The following VPS13C variants were observed in gnomAD, a reference collection of about 807,000 sequenced individuals.
VPS13C encodes the protein vacuolar protein sorting 13 homolog C.
In VPS13C, 358 loss-of-function variants were observed where a neutral mutation model predicts 456.8. The ratio of observed to expected loss-of-function variants is 0.78; its 90% CI spans 0.72 to 0.86. The LOEUF is 0.86. Among genes scored for constraint, VPS13C ranks in the 40% least tolerant of loss-of-function variants. The pLI, the probability that VPS13C is intolerant of heterozygous loss-of-function variation, is 0.00. For synonymous variants in VPS13C, 1,578 were observed against 1,486.7 expected (o/e 1.06, Z -1.41); for missense variants, 4,818 against 4,385.4 (o/e 1.10, Z -2.79).
At chr15:61,940,516 C>G (rs1020176546) in intron 47 of VPS13C, 131 bp downstream of exon 47, 7 of 808,330 alleles carry the variant, frequency 8.7e-6, no homozygotes, top group African/African-American at 1.7e-5. Context: ...CAAATGCTCA[C>G]TAAGAGAAAA....
chr15:61,989,701 C>G (rs1044191307), intron 18 of VPS13C, among the ~76,000 whole-genome samples: 1 of 151,980 alleles, frequency 6.6e-6, no homozygotes, highest in Non-Finnish European at 1.5e-5. Context: ...AAATTAAAAC[C>G]GTAATATTAC....
At position 62,037,234 on chromosome 15, in the gene VPS13C, A is replaced by G. The variant is rs1353472948; in HGVS notation, c.188-2182T>C. Among the ~76,000 whole-genome samples, 175 of 58,676 alleles carry G rather than the reference A, an allele frequency of 3.0e-3. 6 individuals are homozygous for G. The highest frequency in any genetic ancestry group is 4.3e-3 in the Non-Finnish European group (141 of 32,890). 38.5% of individuals were successfully genotyped at this position (58,676 alleles called of 152,430 possible). A position where few individuals can be genotyped will look rare whatever the true frequency, so the allele number is the denominator to read the frequency against. On this transcript the variant is annotated intron_variant, in intron 3 of 84. Transcript: ENST00000644861. The stretch of plus-strand genomic sequence containing the variant: ...AAATATATTATATAATATATTATAT[A>G]TAAATATATATAATATATTTATATA...
At chr15:62,011,211 T>C (rs924763931) in intron 12 of VPS13C, among the ~76,000 whole-genome samples, 4 of 152,064 alleles carry the variant, frequency 2.6e-5, no homozygotes, top group Admixed American at 6.5e-5. Flanking sequence ...GTGAATAGTA[T>C]CAAACTATAA....
chr15:62,047,713 G>A (rs1003569326), intron 1 of VPS13C, among the ~76,000 whole-genome samples: 1 of 152,074 alleles, frequency 6.6e-6, no homozygotes, highest in African/African-American at 2.4e-5. Flanking sequence ...TACTTATCTT[G>A]GTAAGGCACT....
chr15:61,920,918 G>C (rs1159932545), intron 55 of VPS13C, among the ~76,000 whole-genome samples: 1 of 152,040 alleles, frequency 6.6e-6, no homozygotes, highest in Non-Finnish European at 1.5e-5. Flanking sequence ...ATTCCTCAGA[G>C]CATAGCTATT....
intron 15 of VPS13C, among the ~76,000 whole-genome samples, chr15:62,004,245 T>C (rs1288462767): frequency 1.3e-5 from 2 of 151,536 alleles, no homozygotes; most frequent in Admixed American, 6.6e-5. Context: ...TGGTTTAGTC[T>C]TGGGAGAGTG....
chr15:61,868,529 T>G, intron 81 of VPS13C, 130 bp downstream of exon 81: 1 of 754,952 alleles, frequency 1.3e-6, no homozygotes, highest in Admixed American at 3.0e-5. Flanking sequence ...AATCAAATTC[T>G]ACTCTAGAAA....
chr15:62,055,579 C>A (rs2048763400), intron 1 of VPS13C, among the ~76,000 whole-genome samples: 1 of 151,792 alleles, frequency 6.6e-6, no homozygotes, highest in Admixed American at 6.6e-5. Context: ...TTATGAACGC[C>A]TATATATACA....
At chr15:61,952,121 G>C in intron 38 of VPS13C, 141 bp from the exon 39 acceptor site, 1 of 1,016,588 alleles carries the variant, frequency 9.8e-7, no homozygotes, top group South Asian at 2.2e-5. Context: ...TGTGCCTGCA[G>C]TTTGGCATGA....
rs1596476888 is a variant in VPS13C, at chr15:62,013,994, T to C, written c.685-2A>G. The C allele has an allele frequency of 1.9e-6, 3 of 1,607,272 alleles. No homozygotes were observed. Among genetic ancestry groups the C allele is most frequent in the East Asian group, 4.5e-5 (2 of 44,750 alleles). On this transcript the variant is annotated splice_acceptor_variant, in intron 9 of 84. Coordinates refer to ENST00000644861, the MANE Select transcript of VPS13C (RefSeq NM_020821.3). LOFTEE classifies it high-confidence loss of function. ...TGGAGTCCAGTGTTCATTTGCAGTCTAAAAGAAAAAAGGGAATACCTGTGA... is the reference window on the plus strand; with the variant it reads ...TGGAGTCCAGTGTTCATTTGCAGTCCAAAAGAAAAAAGGGAATACCTGTGA...
At chr15:62,014,652 T>C (rs2047165142) in intron 9 of VPS13C, among the ~76,000 whole-genome samples, 1 of 152,144 alleles carries the variant, frequency 6.6e-6, no homozygotes, top group African/African-American at 2.4e-5. Flanking sequence ...GCCACTATAA[T>C]AGCAGGAAAT....
At chr15:61,954,305 A>G in intron 38 of VPS13C, 116 bp downstream of exon 38, 1 of 1,132,172 alleles carries the variant, frequency 8.8e-7, no homozygotes, top group Non-Finnish European at 1.3e-6. Flanking sequence ...GCTACATGTG[A>G]ACAGCCCACA....
intron 8 of VPS13C, among the ~76,000 whole-genome samples, chr15:62,021,411 T>C (rs1261779174): frequency 1.3e-5 from 2 of 151,962 alleles, no homozygotes; most frequent in African/African-American, 2.4e-5. Flanking sequence ...TTAATTTCTT[T>C]AGTCTCTATA....
intron 51 of VPS13C, 120 bp from the exon 52 acceptor site, chr15:61,927,440 T>C: frequency 1.4e-6 from 1 of 722,646 alleles, no homozygotes; most frequent in Non-Finnish European, 2.3e-6. Context: ...ATGGTGAAAC[T>C]GACAATATTA....
chr15:61,924,778 T>G (rs1394110615), intron 53 of VPS13C, among the ~76,000 whole-genome samples: 1 of 152,190 alleles, frequency 6.6e-6, no homozygotes, highest in African/African-American at 2.4e-5. Flanking sequence ...CGGACCTATA[T>G]AAGTAAAGCT....
At chr15:61,918,550 AT>A (rs912133605) in intron 58 of VPS13C, among the ~76,000 whole-genome samples, 2 of 152,012 alleles carry the variant, frequency 1.3e-5, no homozygotes, top group Non-Finnish European at 2.9e-5. Flanking sequence ...GATTTAAGCC[AT>A]TTTTTCTCCA....
chr15:62,037,266 AT>A (rs372795051), intron 3 of VPS13C, among the ~76,000 whole-genome samples: 293 of 22,118 alleles, frequency 0.013, 16 homozygotes, highest in East Asian at 0.12. Context: ...TATATATTAT[AT>A]TATATAATAT....
intron 9 of VPS13C, among the ~76,000 whole-genome samples, chr15:62,017,064 T>C (rs1349950830): frequency 1.3e-5 from 2 of 152,170 alleles, no homozygotes; most frequent in Non-Finnish European, 2.9e-5. Flanking sequence ...GCTGCATAAA[T>C]GTCTTCTTTT....
Position 61,909,183 on chromosome 15 carries a change from T to A in VPS13C, c.8845-58A>T. On this transcript the variant is annotated intron_variant, in intron 64 of 84. Transcript: ENST00000644861. ...TACTGGTTTAATCTACACTTACATA[T>A]GGAATTTCAATATTACGTAAAACAC... The A allele has an allele frequency of 5.0e-6, 8 of 1,586,502 alleles. No individual in the cohort carries two copies. The African/African-American group carries it at 6.8e-5, about 13-fold the overall frequency.
Sources: allele counts gnomAD v4.1 joint callset (sites outside exome capture counted in the v4.1 genomes callset), GRCh38; gene constraint gnomAD v4.1.1; transcripts MANE v1.5; gene names NCBI Gene and HGNC (gene_info 2026-07-23, HGNC 2026-07-21).